DYNC1H1: variants seen among roughly 807,000 people sequenced by gnomAD.
DYNC1H1 encodes dynein cytoplasmic 1 heavy chain 1.
In DYNC1H1, 51 loss-of-function variants were observed where a neutral mutation model predicts 527.1. The observed-to-expected ratio is 0.10, with a 90% CI of 0.08 to 0.12. The LOEUF (loss-of-function observed/expected upper bound fraction) is 0.12, where lower values mean the gene tolerates loss of function less well. Ranked by LOEUF, DYNC1H1 falls within the 10% of genes least tolerant of loss-of-function variation. DYNC1H1 has a pLI of 1.00. For synonymous variants in DYNC1H1, 2,189 were observed against 2,278.8 expected, an observed-to-expected ratio of 0.96 and a Z score of 1.12; for missense variants, 2,771 against 5,971.8, an observed-to-expected ratio of 0.46 and a Z score of 17.66.
At chr14:102,028,337 C>T in intron 48 of DYNC1H1, 196 bp downstream of exon 48, 2 of 577,884 alleles carry the variant, frequency 3.5e-6, no homozygotes, top group Non-Finnish European at 6.1e-6. Context: ...CATGGCGAGA[C>T]CCCATCTCTA....
In DYNC1H1 at chr14:102,041,194, G is replaced by A. The variant is rs113193116; in HGVS notation, c.11942-380G>A. 6.4e-5 allele frequency: 23 copies of A among 360,826 alleles called. No homozygotes were observed. Among genetic ancestry groups the A allele is most frequent in the African/African-American group, 4.4e-4 (21 of 47,632 alleles). The allele number at this position is 360,826 out of a possible 1,614,324, so 22.4% of individuals were successfully genotyped here. A position where few individuals can be genotyped will look rare whatever the true frequency, so the allele number is the denominator to read the frequency against. The stretch of plus-strand genomic sequence containing the variant: ...AGACAGGAATGGAATGCCATCAGCC[G>A]TTTTTGAGTGTGTTAGGCCAGACCC... On this transcript the variant is annotated intron_variant, in intron 64 of 77. Coordinates refer to ENST00000360184, the MANE Select transcript of DYNC1H1 (RefSeq NM_001376.5). This position sits in a 1 kb window ranked among gnomAD's most constrained non-coding sequence, Gnocchi z 4.5.
At position 102,023,223 on chromosome 14, in the gene DYNC1H1, A is replaced by G. The variant is rs191759376; in HGVS notation, c.8637+343A>G. The G allele has an allele frequency of 2.7e-4, 98 of 364,784 alleles. 2 individuals carry two copies. Among genetic ancestry groups the G allele is most frequent in the Middle Eastern group, 1.0e-3 (1 of 1,002 alleles). The allele number at this position is 364,784 out of a possible 1,614,324, so 22.6% of individuals were successfully genotyped here. ...CACCACCATACTGCAGCCTGGGTAA[A>G]AGAGCAAAACCCTGTTTCAAAAAAT... On this transcript the variant is annotated intron_variant, in intron 43 of 77. Coordinates refer to ENST00000360184, the MANE Select transcript of DYNC1H1 (RefSeq NM_001376.5).
chr14:101,988,479 GT>G (rs1295808779), intron 9 of DYNC1H1, among the ~76,000 whole-genome samples: 3 of 152,222 alleles, frequency 2.0e-5, no homozygotes, highest in African/African-American at 7.2e-5. Flanking sequence ...GTTACAGGTT[GT>G]GAAGGATTGG....
intron 9 of DYNC1H1, among the ~76,000 whole-genome samples, chr14:101,988,255 T>G (rs1308643725): frequency 6.6e-6 from 1 of 152,198 alleles, no homozygotes; most frequent in Non-Finnish European, 1.5e-5. Flanking sequence ...GCCCTCCAGG[T>G]GTCCTCCTCT....
At chr14:102,046,512 AGGGAGAGCCAGGCGAGCTGGGCG>A (rs2048721570) in intron 72 of DYNC1H1, among the ~76,000 whole-genome samples, 1 of 134,756 alleles carries the variant, frequency 7.4e-6, no homozygotes, top group African/African-American at 2.7e-5. Flanking sequence ...GCGGGTCTGG[AGGGAGAGCCAGGCGAGCTGGGCG>A]GGTCTGGAGC....
intron 29 of DYNC1H1, among the ~76,000 whole-genome samples, chr14:102,008,987 G>A (rs908028776): frequency 6.6e-5 from 10 of 152,190 alleles, no homozygotes; most frequent in Non-Finnish European, 8.8e-5. Context: ...CCTCTGGTGC[G>A]GGCCCTTGGT....
rs755815163 is a variant in DYNC1H1, at chr14:102,000,971, T to C, written c.4092T>C (p.Asp1364=). 2.5e-6 allele frequency: 4 copies of C among 1,614,228 alleles called. No homozygotes were observed. The highest frequency in any genetic ancestry group is 3.4e-6 in the Non-Finnish European group (4 of 1,180,030). Residue 1364 remains aspartate (D), a synonymous_variant, in exon 19 of 78, where the codon GAT becomes GAC. Coordinates refer to ENST00000360184, the MANE Select transcript of DYNC1H1 (RefSeq NM_001376.5). ...VQPRKLRQNL[D]ALLNQLKSFP... The stretch of plus-strand genomic sequence containing the variant: ...CTCGACAGCTTCGACAAAATTTGGA[T>C]GCCCTCCTGAACCAGCTGAAAAGCT...
In DYNC1H1 at chr14:101,986,606, AGGT is replaced by A; in HGVS notation, c.2384_2386del (p.Val795del). 1 of 1,613,278 alleles carries A rather than the reference AGGT, an allele frequency of 6.2e-7. No homozygotes were observed. The highest frequency in any genetic ancestry group is 8.5e-7 in the Non-Finnish European group (1 of 1,179,256). ...CGTACCTATGAACGGACCTGCGAGA[AGGT>A]GGAGGAGCGGAACACCATTTCCCTT... is the stretch of plus-strand genomic sequence containing the variant. On this transcript the variant is annotated inframe_deletion, in exon 8 of 78. Coordinates refer to ENST00000360184, the MANE Select transcript of DYNC1H1 (RefSeq NM_001376.5). The surrounding 1 kb of genome is among the most constrained non-coding windows in gnomAD (Gnocchi z 8.7).
chr14:102,006,900 A>T, intron 27 of DYNC1H1, 108 bp from the exon 28 acceptor site: 1 of 1,230,816 alleles, frequency 8.1e-7, no homozygotes, highest in Non-Finnish European at 1.2e-6. Flanking sequence ...CTACCTGGCC[A>T]CTACTTGGAT....
intron 8 of DYNC1H1, 135 bp from the exon 9 acceptor site, chr14:101,987,318 G>C (rs17540797): frequency 1.0e-6 from 1 of 1,003,140 alleles, no homozygotes; most frequent in African/African-American, 1.6e-5. Context: ...CACCCCAGCA[G>C]CTAGGATTAG....
intron 1 of DYNC1H1, among the ~76,000 whole-genome samples, chr14:101,967,685 A>T (rs1226474301): frequency 1.3e-5 from 2 of 152,098 alleles, no homozygotes; most frequent in African/African-American, 2.4e-5. Flanking sequence ...ACAGAAAATT[A>T]AAAAATAAGC....
chr14:102,009,643 C>T, intron 29 of DYNC1H1, 200 bp from the exon 30 acceptor site: 1 of 716,088 alleles, frequency 1.4e-6, no homozygotes, highest in South Asian at 1.9e-5. Flanking sequence ...ACATGAGGTA[C>T]ATGGGAATGG....
chr14:101,993,460 G>A (rs892646225), intron 11 of DYNC1H1, among the ~76,000 whole-genome samples: 1 of 152,120 alleles, frequency 6.6e-6, no homozygotes, highest in African/African-American at 2.4e-5. Flanking sequence ...TGCTGGGCCC[G>A]TGTAATGTGT....
chr14:101,986,163 G>A lies in DYNC1H1; in HGVS notation c.1938G>A (p.Gly646=), dbSNP rs2047934407. ...TTCGTGACTTGCCCCCTGTGTCAGG[G>A]TCTATCATCTGGGCTAAACAGATCG... ...SHVRDLPPVS[G]SIIWAKQIDR... Residue 646 remains glycine, a synonymous_variant, in exon 8 of 78, where the codon GGG becomes GGA. Transcript: ENST00000360184. The surrounding 1 kb of genome is among the most constrained non-coding windows in gnomAD (Gnocchi z 8.7). The A allele has an allele frequency of 6.2e-7, 1 of 1,614,130 alleles. No individual in the cohort carries two copies. The highest frequency in any genetic ancestry group is 1.7e-5 in the Admixed American group (1 of 60,028).
chr14:102,013,989 G>A (rs1047682598), intron 34 of DYNC1H1, among the ~76,000 whole-genome samples: 1 of 152,204 alleles, frequency 6.6e-6, no homozygotes, highest in Non-Finnish European at 1.5e-5. Flanking sequence ...ACAAGGCTTA[G>A]GATTGGTATT....
At chr14:102,048,304 C>G in intron 73 of DYNC1H1, 5 of 745,420 alleles carry the variant, frequency 6.7e-6, no homozygotes, top group African/African-American at 1.8e-5. Flanking sequence ...GCCCCGAGAG[C>G]TGCGACTCGG....
Position 102,050,803 on chromosome 14 carries a change from C to T in DYNC1H1, c.*240C>T. The stretch of plus-strand genomic sequence containing the variant: ...AAACACTAAGCATGAGCCGGCTCCG[C>T]CTCTTCTGTCTCCGCTTTCATCCCA... On this transcript the variant is annotated 3_prime_UTR_variant, in exon 78 of 78. Coordinates refer to ENST00000360184, the MANE Select transcript of DYNC1H1 (RefSeq NM_001376.5). 1.9e-6 allele frequency: 1 copy of T among 534,172 alleles called. No homozygotes were observed. Among genetic ancestry groups the T allele is most frequent in the Non-Finnish European group, 3.3e-6 (1 of 301,314 alleles). 33.1% of individuals were successfully genotyped at this position (534,172 alleles called of 1,614,324 possible).
chr14:102,009,518 TTG>T, intron 29 of DYNC1H1: 16 of 326,302 alleles, frequency 4.9e-5, no homozygotes, highest in South Asian at 1.3e-4. Flanking sequence ...TTTTTTTTTT[TTG>T]CACAATTTGT....
At position 102,018,312 on chromosome 14, in the gene DYNC1H1, C is replaced by T. The variant is rs2048348484; in HGVS notation, c.8178-139C>T. The T allele has an allele frequency of 1.3e-5, 16 of 1,207,680 alleles. No homozygotes were observed. In the South Asian group the frequency reaches 2.0e-4, roughly 15 times the overall value. 74.8% of individuals were successfully genotyped at this position (1,207,680 alleles called of 1,614,324 possible). ...GCAGCGTGTGTGTGATCTCAGCTAACACTGATGTCAAGTCTGCATAGCTGG... is the reference window on the plus strand; with the variant it reads ...GCAGCGTGTGTGTGATCTCAGCTAATACTGATGTCAAGTCTGCATAGCTGG... On this transcript the variant is annotated intron_variant, in intron 40 of 77. Transcript: ENST00000360184. This position sits in a 1 kb window ranked among gnomAD's most constrained non-coding sequence, Gnocchi z 5.2.
Sources: allele counts gnomAD v4.1 joint callset (sites outside exome capture counted in the v4.1 genomes callset), GRCh38; gene constraint gnomAD v4.1.1; non-coding constraint Gnocchi (gnomAD v3.1); transcripts MANE v1.5; gene names NCBI Gene and HGNC (gene_info 2026-07-23, HGNC 2026-07-21).